The following CAPN7 variants were observed in gnomAD, a reference collection of about 807,000 sequenced individuals.
CAPN7 encodes the protein calpain-7.
A neutral mutation model predicts 115.2 loss-of-function variants in CAPN7; 72 were observed. The observed-to-expected ratio is 0.63, with a 90% CI of 0.52 to 0.76. The LOEUF (loss-of-function observed/expected upper bound fraction) is 0.76, where lower values mean the gene tolerates loss of function less well. Among genes scored for constraint, CAPN7 ranks in the 30% least tolerant of loss-of-function variants. CAPN7 has a pLI of 0.00. For missense variants in CAPN7, 905 were observed against 971.5 expected, an observed-to-expected ratio of 0.93 and a Z score of 0.91; for synonymous variants, 344 against 322.3, an observed-to-expected ratio of 1.07 and a Z score of -0.72.
intron 19 of CAPN7, among the ~76,000 whole-genome samples, chr3:15,249,026 A>C (rs1179036952): frequency 2.8e-5 from 4 of 140,410 alleles, no homozygotes; most frequent in East Asian, 2.2e-4. Context: ...AAAAAAAAAC[A>C]AAAACAGAAT....
At chr3:15,244,006 A>G (rs1695509329) in intron 16 of CAPN7, among the ~76,000 whole-genome samples, 1 of 152,236 alleles carries the variant, frequency 6.6e-6, no homozygotes, top group Non-Finnish European at 1.5e-5. Flanking sequence ...TGACCTTGAT[A>G]AGAACAGGCA....
chr3:15,244,585 CT>C (rs1695547727), intron 16 of CAPN7, among the ~76,000 whole-genome samples: 1 of 152,170 alleles, frequency 6.6e-6, no homozygotes, highest in Admixed American at 6.5e-5. Context: ...TACCAAAATA[CT>C]TAGTTTTTCT....
chr3:15,221,797 C>A (rs1694006930), intron 5 of CAPN7, among the ~76,000 whole-genome samples: 1 of 151,828 alleles, frequency 6.6e-6, no homozygotes, highest in African/African-American at 2.4e-5. Context: ...TGCCAAAACC[C>A]CATCTCTACT....
intron 6 of CAPN7, among the ~76,000 whole-genome samples, chr3:15,224,005 TTAAAAA>T (rs1335889137): frequency 6.6e-6 from 1 of 152,190 alleles, no homozygotes; most frequent in Non-Finnish European, 1.5e-5. Flanking sequence ...GTCAAGAGCT[TTAAAAA>T]TATTGTTTGG....
Position 15,251,133 on chromosome 3 carries a change from T to C in CAPN7, c.2315T>C (p.Leu772Pro). ...AAATATAGGTGTGGGTTTTGCTACC[T>C]GGAATTAGAAAATATACCTTCTGGG... is the stretch of plus-strand genomic sequence containing the variant. ...SGDYRCGFCY[L>P]ELENIPSGIF... is the part of the protein sequence containing the mutation. Residue 772 changes from leucine to proline, a missense_variant, in exon 21 of 21, where the codon CTG (leucine) becomes CCG (proline). Physicochemically the swap from Leu to Pro is moderately conservative, Grantham distance 98 (BLOSUM62 -3). Coordinates refer to ENST00000253693, the MANE Select transcript of CAPN7 (RefSeq NM_014296.3). The C allele has an allele frequency of 6.2e-7, 1 of 1,606,242 alleles. No homozygotes were observed. The highest frequency in any genetic ancestry group is 8.5e-7 in the Non-Finnish European group (1 of 1,176,404).
intron 19 of CAPN7, among the ~76,000 whole-genome samples, chr3:15,249,162 A>G (rs1695857140): frequency 6.6e-6 from 1 of 152,202 alleles, no homozygotes; most frequent in Non-Finnish European, 1.5e-5. Context: ...ATTTTTCCAC[A>G]AGAAAGTCAT....
intron 6 of CAPN7, among the ~76,000 whole-genome samples, chr3:15,224,421 CACCAT>C (rs1488196871): frequency 2.0e-5 from 3 of 152,016 alleles, no homozygotes; most frequent in African/African-American, 7.2e-5. Flanking sequence ...CGCAGGCATG[CACCAT>C]CACGCCCAGC....
intron 2 of CAPN7, among the ~76,000 whole-genome samples, chr3:15,215,874 C>T (rs1296363328): frequency 6.6e-6 from 1 of 152,094 alleles, no homozygotes; most frequent in East Asian, 1.9e-4. Flanking sequence ...TCACTTGAGG[C>T]CAGCAGTTTG....
At chr3:15,249,225 C>T (rs1193576156) in intron 19 of CAPN7, among the ~76,000 whole-genome samples, 1 of 151,896 alleles carries the variant, frequency 6.6e-6, no homozygotes, top group African/African-American at 2.4e-5. Flanking sequence ...AACCTATTTG[C>T]TCTTTTGTAC....
rs772484978 is a variant in CAPN7 at position 15,217,542 on chromosome 3, T to C, written c.329T>C (p.Ile110Thr). 8.7e-6 allele frequency: 14 copies of C among 1,613,774 alleles called. No homozygotes were observed. The highest frequency in any genetic ancestry group is 1.2e-5 in the Non-Finnish European group (14 of 1,179,890). The change falls in exon 3 of 21, where the codon ATA becomes ACA. Residue 110 changes from isoleucine to threonine, a missense_variant. This residue lies in a region of CAPN7 where 271 missense variants were observed against 239.6 expected (regional missense o/e 1.13). Transcript: ENST00000253693. Reference protein sequence around the residue: ...EDEKENVEDAIELYTEAVDLC... With the variant: ...EDEKENVEDATELYTEAVDLC... ...GAAAAAGAGAATGTTGAAGATGCTA[T>C]AGAATTGTACACAGAAGCTGTGGAT...
At chr3:15,229,520 C>T (rs528123518) in intron 8 of CAPN7, among the ~76,000 whole-genome samples, 7 of 134,646 alleles carry the variant, frequency 5.2e-5, no homozygotes, top group African/African-American at 1.7e-4. Context: ...AATCATATTT[C>T]GATTTGTGAT....
chr3:15,236,605 G>C (rs988453850), intron 12 of CAPN7, among the ~76,000 whole-genome samples: 8 of 152,152 alleles, frequency 5.3e-5, no homozygotes, highest in Non-Finnish European at 2.9e-5. Flanking sequence ...TGATTTTGTT[G>C]TGGCATGAAC....
chr3:15,247,541 A>C, intron 19 of CAPN7, 84 bp downstream of exon 19: 3 of 1,088,494 alleles, frequency 2.8e-6, no homozygotes, highest in Non-Finnish European at 3.9e-6. Flanking sequence ...AAACAGACCT[A>C]AGCATATATG....
rs200533361 is a variant in CAPN7 at position 15,247,477 on chromosome 3, C to T, written c.2204+20C>T. Reference sequence around the variant, plus strand: ...ACCAAGGTTTGTGATGAGTAACTTTCTTAAATTAATGATGTTCTATTACAA... The same window carrying T: ...ACCAAGGTTTGTGATGAGTAACTTTTTTAAATTAATGATGTTCTATTACAA... On this transcript the variant is annotated intron_variant, in intron 19 of 20. Coordinates refer to ENST00000253693, the MANE Select transcript of CAPN7 (RefSeq NM_014296.3). The T allele has an allele frequency of 2.5e-6, 4 of 1,569,788 alleles. No homozygotes were observed. In the South Asian group the frequency reaches 3.6e-5, roughly 14 times the overall value.
chr3:15,242,717 TTC>T (rs1491147192), intron 16 of CAPN7, among the ~76,000 whole-genome samples: 1 of 152,232 alleles, frequency 6.6e-6, no homozygotes, highest in Non-Finnish European at 1.5e-5. Flanking sequence ...ACATGGTTTC[TTC>T]TCTCAAGAAT....
At chr3:15,212,622 G>A (rs540697008) in intron 2 of CAPN7, among the ~76,000 whole-genome samples, 1 of 152,198 alleles carries the variant, frequency 6.6e-6, no homozygotes, top group East Asian at 1.9e-4. Context: ...TTCTCTTTCG[G>A]TGTCTTCTAC....
At chr3:15,250,604 G>C (rs565000806) in intron 19 of CAPN7, among the ~76,000 whole-genome samples, 2 of 152,138 alleles carry the variant, frequency 1.3e-5, no homozygotes, top group Non-Finnish European at 2.9e-5. Context: ...CCCAGGAGGC[G>C]GAGGTTGCAG....
intron 19 of CAPN7, 55 bp downstream of exon 19, chr3:15,247,512 G>C (rs1275583136): frequency 1.4e-6 from 2 of 1,452,896 alleles, no homozygotes; most frequent in East Asian, 4.8e-5. Context: ...AATGAACATA[G>C]TATAACAAAA....
chr3:15,236,242 G>A (rs1694986522), intron 12 of CAPN7, among the ~76,000 whole-genome samples: 7 of 152,310 alleles, frequency 4.6e-5, no homozygotes, highest in Admixed American at 3.9e-4. Flanking sequence ...TGTGTTTTGT[G>A]TAAGCAAGTA....
Sources: allele counts gnomAD v4.1 joint callset (sites outside exome capture counted in the v4.1 genomes callset), GRCh38; gene constraint gnomAD v4.1.1; regional missense constraint gnomAD v4.1.1; transcripts MANE v1.5; gene names NCBI Gene and HGNC (gene_info 2026-07-23, HGNC 2026-07-21).